Variants in EAF2 observed in about 807,000 individuals in gnomAD.
EAF2 encodes the protein ELL-associated factor 2.
Under a neutral mutation model 29.4 loss-of-function variants are expected in EAF2, and 29 were observed. The observed-to-expected ratio is 0.99, with a 90% confidence interval of 0.73 to 1.35. EAF2 has a LOEUF of 1.35. Ranked by LOEUF, EAF2 falls within the 40% of genes most tolerant of loss-of-function variation. EAF2 has a pLI of 0.00. For synonymous variants in EAF2, 103 were observed against 102.5 expected, an observed-to-expected ratio of 1.00 and a Z score of -0.03; for missense variants, 292 against 312.0, an observed-to-expected ratio of 0.94 and a Z score of 0.48.
chr3:121,880,589 C>A (rs1459592335), intron 5 of EAF2, among the ~76,000 whole-genome samples: 1 of 151,858 alleles, frequency 6.6e-6, no homozygotes, highest in African/African-American at 2.4e-5. Flanking sequence ...TATCTTGCAA[C>A]TTTACTGAAA....
In EAF2 at chr3:121,863,499, C is replaced by G. The variant is rs548183396; in HGVS notation, c.484+6343C>G. Among the ~76,000 whole-genome samples, 9 of 152,314 alleles carry G rather than the reference C, an allele frequency of 5.9e-5. No individual in the cohort carries two copies. The South Asian group carries it at 1.5e-3, about 25-fold the overall frequency. On this transcript the variant is annotated intron_variant, in intron 4 of 5. Coordinates refer to ENST00000273668, the MANE Select transcript of EAF2 (RefSeq NM_018456.6). ...TCCGTGGGCATGGGACCCTCCGAGCCAGGTGCGGGATATAATCACCTGGTG... is the reference window on the plus strand; with the variant it reads ...TCCGTGGGCATGGGACCCTCCGAGCGAGGTGCGGGATATAATCACCTGGTG...
At chr3:121,858,183 C>G (rs1403615308) in intron 4 of EAF2, among the ~76,000 whole-genome samples, 1 of 152,220 alleles carries the variant, frequency 6.6e-6, no homozygotes, top group Non-Finnish European at 1.5e-5. Context: ...GGGTATATAC[C>G]CAGTAATGGG....
chr3:121,873,577 A>G (rs1709052972), intron 5 of EAF2, among the ~76,000 whole-genome samples: 1 of 151,698 alleles, frequency 6.6e-6, no homozygotes, highest in Admixed American at 6.6e-5. Flanking sequence ...AGCCATATTG[A>G]TTTTTTTCAC....
chr3:121,872,821 G>A (rs753063023), intron 5 of EAF2, 33 bp downstream of exon 5: 1 of 1,582,834 alleles, frequency 6.3e-7, no homozygotes, highest in Non-Finnish European at 8.6e-7. Flanking sequence ...AATTGGAAAA[G>A]TAAGAATTTA....
intron 4 of EAF2, among the ~76,000 whole-genome samples, chr3:121,861,936 G>C (rs1202082402): frequency 6.6e-6 from 1 of 152,106 alleles, no homozygotes; most frequent in Non-Finnish European, 1.5e-5. Context: ...ATGAAGCTTA[G>C]TGTGGCTGGA....
intron 2 of EAF2, among the ~76,000 whole-genome samples, chr3:121,853,773 T>C (rs1028457893): frequency 9.9e-5 from 15 of 152,210 alleles, no homozygotes; most frequent in Admixed American, 8.5e-4. Context: ...GGATTACAGA[T>C]TCTTTGGGGT....
At chr3:121,874,569 A>G (rs1473694204) in intron 5 of EAF2, among the ~76,000 whole-genome samples, 1 of 151,924 alleles carries the variant, frequency 6.6e-6, no homozygotes, top group East Asian at 1.9e-4. Flanking sequence ...GTAACTAATA[A>G]CACTACACTT....
chr3:121,855,433 G>A lies in EAF2; in HGVS notation c.338+610G>A, dbSNP rs954121294. Among the ~76,000 whole-genome samples the A allele has an allele frequency of 3.9e-5, 6 of 152,134 alleles. 1 individual carries two copies. Among genetic ancestry groups the A allele is most frequent in the Non-Finnish European group, 7.4e-5 (5 of 68,020 alleles). ...AATGGTAGATTGGAAAATTCAGGGA[G>A]GCCTTTTTGATGTACCTTAAGAGGA... On this transcript the variant is annotated intron_variant, in intron 3 of 5. Coordinates refer to ENST00000273668, the MANE Select transcript of EAF2 (RefSeq NM_018456.6).
intron 5 of EAF2, among the ~76,000 whole-genome samples, chr3:121,885,149 T>C (rs1352115053): frequency 2.0e-5 from 3 of 152,348 alleles, no homozygotes; most frequent in Middle Eastern, 3.4e-3. Flanking sequence ...TCTCAGTAAA[T>C]GATAACTCAG....
chr3:121,850,637 A>C (rs962798251), intron 2 of EAF2, among the ~76,000 whole-genome samples: 1 of 152,126 alleles, frequency 6.6e-6, no homozygotes, highest in African/African-American at 2.4e-5. Context: ...GAATATCTTC[A>C]TGTCAAGAAT....
intron 4 of EAF2, among the ~76,000 whole-genome samples, chr3:121,869,738 G>T (rs1708980460): frequency 6.6e-6 from 1 of 151,896 alleles, no homozygotes; most frequent in Non-Finnish European, 1.5e-5. Flanking sequence ...GATTACTCAG[G>T]CAGTCAGGCG....
chr3:121,862,996 G>A (rs368026541), intron 4 of EAF2, among the ~76,000 whole-genome samples: 1 of 152,186 alleles, frequency 6.6e-6, no homozygotes, highest in South Asian at 2.1e-4. Flanking sequence ...CACCAGCGGA[G>A]GCTGCAGAGT....
At chr3:121,864,711 G>A (rs140043321) in intron 4 of EAF2, among the ~76,000 whole-genome samples, 1 of 152,072 alleles carries the variant, frequency 6.6e-6, no homozygotes, top group East Asian at 1.9e-4. Context: ...AGCTACTTGG[G>A]AGGCTAAGCT....
intron 1 of EAF2, among the ~76,000 whole-genome samples, chr3:121,841,595 A>AGGCG (rs1708433060): frequency 1.5e-5 from 2 of 137,142 alleles, no homozygotes; most frequent in African/African-American, 5.4e-5. Context: ...AGGACCAGCC[A>AGGCG]GGCGCAGTGG....
intron 5 of EAF2, among the ~76,000 whole-genome samples, chr3:121,880,053 C>T (rs966970262): frequency 6.6e-6 from 1 of 152,096 alleles, no homozygotes; most frequent in Admixed American, 6.6e-5. Context: ...ACTTCCATTT[C>T]TTTAATCAGT....
chr3:121,858,288 A>G (rs1009225435), intron 4 of EAF2, among the ~76,000 whole-genome samples: 2 of 152,256 alleles, frequency 1.3e-5, no homozygotes, highest in African/African-American at 4.8e-5. Flanking sequence ...TCCCATCAAC[A>G]GTGTAAAAGT....
intron 1 of EAF2, among the ~76,000 whole-genome samples, chr3:121,842,380 C>T (rs1708451874): frequency 6.6e-6 from 1 of 152,196 alleles, no homozygotes; most frequent in African/African-American, 2.4e-5. Flanking sequence ...ATAGCCCAAA[C>T]TAAAGTTTTT....
In EAF2 at chr3:121,844,453, A is replaced by T; in HGVS notation, c.107A>T (p.Tyr36Phe). Residue 36 changes from tyrosine to phenylalanine, a missense_variant and splice_region_variant, in exon 2 of 6, where the codon TAT becomes TTT. Physicochemically the swap from Tyr to Phe is conservative, Grantham distance 22. Transcript: ENST00000273668. ...QPRCAFHTVRYDFKPASIDTS... is the reference protein window; with the variant it reads ...QPRCAFHTVRFDFKPASIDTS... Reference sequence around the variant, plus strand: ...AATTGGTATTTGTATCTATTTTTAGATGACTTCAAACCTGCTTCTATTGAC... The same window carrying T: ...AATTGGTATTTGTATCTATTTTTAGTTGACTTCAAACCTGCTTCTATTGAC... The T allele has an allele frequency of 6.3e-7, 1 of 1,592,980 alleles. No individual in the cohort carries two copies. The highest frequency in any genetic ancestry group is 1.1e-5 in the South Asian group (1 of 87,082).
At chr3:121,883,134 A>C (rs948880948) in intron 5 of EAF2, among the ~76,000 whole-genome samples, 12 of 152,192 alleles carry the variant, frequency 7.9e-5, no homozygotes, top group Non-Finnish European at 1.3e-4. Flanking sequence ...ATGTTTTTGC[A>C]GTTACTTTTA....
Sources: gnomAD v4.1 joint callset for allele counts (sites outside exome capture counted in the v4.1 genomes callset) on GRCh38, gnomAD v4.1.1 for gene constraint, MANE v1.5 for transcripts, NCBI Gene and HGNC (gene_info 2026-07-23, HGNC 2026-07-21) for gene names.